The following ZNF33A variants were observed in gnomAD, a reference collection of about 807,000 sequenced individuals.
The protein encoded by ZNF33A is zinc finger protein 33A.
ZNF33A carries 9 observed loss-of-function variants against 15.9 expected under a neutral mutation model. The ratio of observed to expected loss-of-function variants is 0.57; its 90% CI spans 0.34 to 0.99. ZNF33A has a LOEUF of 0.99. Among genes scored for constraint, ZNF33A ranks in the 50% least tolerant of loss-of-function variants. The pLI, the probability that ZNF33A is intolerant of heterozygous loss-of-function variation, is 0.02. For missense variants in ZNF33A, 843 were observed against 941.6 expected, an observed-to-expected ratio of 0.90 and a Z score of 1.37; for synonymous variants, 294 against 324.2, an observed-to-expected ratio of 0.91 and a Z score of 1.00.
chr10:38,049,409 G>A (rs1232411642), intron 4 of ZNF33A, among the ~76,000 whole-genome samples: 1 of 151,860 alleles, frequency 6.6e-6, no homozygotes, highest in Admixed American at 6.6e-5. Flanking sequence ...AGCACCTGAG[G>A]TCATTGATTT....
chr10:38,035,014 A>G (rs1356935202), intron 4 of ZNF33A, among the ~76,000 whole-genome samples: 3 of 151,696 alleles, frequency 2.0e-5, no homozygotes, highest in Non-Finnish European at 4.4e-5. Context: ...CTTCACTACC[A>G]CATGGATCAT....
chr10:38,014,890 A>G (rs949307473), intron 2 of ZNF33A, among the ~76,000 whole-genome samples: 2 of 151,794 alleles, frequency 1.3e-5, no homozygotes, highest in African/African-American at 2.4e-5. Context: ...AGAATTACTT[A>G]CCTTTTTTTT....
chr10:38,056,495 C>G lies in ZNF33A; in HGVS notation c.2371C>G (p.Leu791Val). ...DIRNFQPQVS[L>V]HNASEYSHCG... ...TAGAAATTTCCAGCCACAAGTCAGC[C>G]TCCATAATGCCTCAGAGTATTCACA... The change falls in exon 5 of 5, where the codon CTC (leucine) becomes GTC (valine). Residue 791 changes from leucine (L) to valine (V), a missense_variant. Coordinates refer to ENST00000432900, the MANE Select transcript of ZNF33A (RefSeq NM_006954.2). 6.2e-7 allele frequency: 1 copy of G among 1,611,688 alleles called. No homozygotes were observed. The highest frequency in any genetic ancestry group is 8.5e-7 in the Non-Finnish European group (1 of 1,178,822).
In ZNF33A at chr10:38,058,196, A is replaced by G. The variant is rs911147842; in HGVS notation, c.*1636A>G. ...AAAGAGAAAATCGATAAAACCCAAA[A>G]CTGGTTCCTTGAAAAGGTCAGTAAA... On this transcript the variant is annotated 3_prime_UTR_variant, in exon 5 of 5. Transcript: ENST00000432900. 4.3e-5 allele frequency: 19 copies of G among 439,240 alleles called. No individual in the cohort carries two copies. The highest frequency in any genetic ancestry group is 3.4e-4 in the African/African-American group (16 of 46,542). 27.2% of individuals were successfully genotyped at this position (439,240 alleles called of 1,614,324 possible). A position where few individuals can be genotyped will look rare whatever the true frequency, so the allele number is the denominator to read the frequency against.
intron 4 of ZNF33A, among the ~76,000 whole-genome samples, chr10:38,024,361 G>A (rs2064893468): frequency 6.6e-6 from 1 of 152,056 alleles, no homozygotes; most frequent in South Asian, 2.1e-4. Context: ...AACAAAATAT[G>A]TATAGGACTT....
Position 38,017,308 on chromosome 10 carries a change from C to T in ZNF33A, c.172C>T (p.Pro58Ser). 1 of 1,613,864 alleles carries T rather than the reference C, an allele frequency of 6.2e-7. No homozygotes were observed. Residue 58 changes from proline (P) to serine (S), a missense_variant, in exon 4 of 5, where the codon CCA becomes TCA. Physicochemically the swap from Pro to Ser is moderately conservative, Grantham distance 74. Coordinates refer to ENST00000432900, the MANE Select transcript of ZNF33A (RefSeq NM_006954.2). ...LVSVGYCVHKPEVIFRLQQGE... is the reference protein window; with the variant it reads ...LVSVGYCVHKSEVIFRLQQGE... ...GTTAACAGGGTATTGTGTTCACAAACCAGAGGTGATCTTCAGGCTGCAACA... is the reference window on the plus strand; with the variant it reads ...GTTAACAGGGTATTGTGTTCACAAATCAGAGGTGATCTTCAGGCTGCAACA...
chr10:38,060,076 C>G lies in ZNF33A; in HGVS notation c.*3516C>G. 1.0e-6 allele frequency: 1 copy of G among 985,376 alleles called. No homozygotes were observed. The highest frequency in any genetic ancestry group is 1.2e-6 in the Non-Finnish European group (1 of 829,894). The allele number at this position is 985,376 out of a possible 1,614,324, so 61.0% of individuals were successfully genotyped here. ...ACCAACCCTGAGGAACATCTTGTTT[C>G]TGTACTAAGGTGTTCTTTTGTTAGT... is the stretch of plus-strand genomic sequence containing the variant. On this transcript the variant is annotated 3_prime_UTR_variant, in exon 5 of 5. Transcript: ENST00000432900.
intron 4 of ZNF33A, among the ~76,000 whole-genome samples, chr10:38,045,711 G>A (rs2135717262): frequency 6.6e-6 from 1 of 152,270 alleles, no homozygotes. Flanking sequence ...TTGGTCTGTG[G>A]TTTAGCTTGT....
rs759304307 is a variant in ZNF33A at position 38,055,830 on chromosome 10, C to G, written c.1706C>G (p.Ser569Cys). Residue 569 changes from serine (S) to cysteine (C), a missense_variant, in exon 5 of 5, where the codon TCT (serine) becomes TGT (cysteine). Physicochemically the swap from Ser to Cys is moderately radical, Grantham distance 112. Transcript: ENST00000432900. ...TTCTTTAGCCATAAGTCAACCCTCT[C>G]TCAACATTATAGAACACACACAGGG... ...GKFFSHKSTLSQHYRTHTGEK... is the reference protein window; with the variant it reads ...GKFFSHKSTLCQHYRTHTGEK... The G allele has an allele frequency of 2.5e-6, 4 of 1,614,004 alleles. No homozygotes were observed. The Admixed American group carries it at 5.0e-5, about 20-fold the overall frequency.
chr10:38,027,449 G>A (rs1332573690), intron 4 of ZNF33A, among the ~76,000 whole-genome samples: 1 of 151,708 alleles, frequency 6.6e-6, no homozygotes. Flanking sequence ...GAACTTCCAG[G>A]CTCAAGTGAT....
chr10:38,065,868 G>A (rs1417872509), downstream of ZNF33A, among the ~76,000 whole-genome samples: 1 of 151,908 alleles, frequency 6.6e-6, no homozygotes, highest in Admixed American at 6.6e-5. Context: ...ATGCCACCAC[G>A]ACTGGCTAAT....
rs748951258 is a variant in ZNF33A, at chr10:38,055,973, G to C, written c.1849G>C (p.Ala617Pro). ...CTATGAATGTAATGAATGTGGAAAAGCCTTCTACCAGAAGTCACAACTCAC... is the reference window on the plus strand; with the variant it reads ...CTATGAATGTAATGAATGTGGAAAACCCTTCTACCAGAAGTCACAACTCAC... ...KPYECNECGK[A>P]FYQKSQLTQH... The change falls in exon 5 of 5, where the codon GCC (alanine) becomes CCC (proline). Residue 617 changes from alanine (A) to proline (P), a missense_variant. Ala to Pro is a conservative substitution (Grantham distance 27). Transcript: ENST00000432900. 6.2e-7 allele frequency: 1 copy of C among 1,613,240 alleles called. No homozygotes were observed. Among genetic ancestry groups the C allele is most frequent in the Middle Eastern group, 1.7e-4 (1 of 6,050 alleles).
Position 38,010,697 on chromosome 10 carries a change from T to C in ZNF33A, c.-131T>C. ...TGCGTTTCCGCCTTTCCTTTTGTTT[T>C]TCTCAGGTTTTGCGTGGGAGGCGGT... On this transcript the variant is annotated 5_prime_UTR_variant, in exon 1 of 5. Coordinates refer to ENST00000432900, the MANE Select transcript of ZNF33A (RefSeq NM_006954.2). 6.9e-6 allele frequency: 11 copies of C among 1,597,872 alleles called. No individual in the cohort carries two copies. Among genetic ancestry groups the C allele is most frequent in the Non-Finnish European group, 9.3e-6 (11 of 1,179,356 alleles).
downstream of ZNF33A, among the ~76,000 whole-genome samples, chr10:38,062,467 C>A (rs1157072956): frequency 6.6e-6 from 1 of 152,186 alleles, no homozygotes; most frequent in Non-Finnish European, 1.5e-5. Flanking sequence ...ACGGCATGGT[C>A]CCAATGCTGC....
intron 4 of ZNF33A, among the ~76,000 whole-genome samples, chr10:38,045,486 T>G (rs1183488951): frequency 1.3e-5 from 2 of 152,218 alleles, no homozygotes; most frequent in Non-Finnish European, 2.9e-5. Context: ...AAATTTGGGT[T>G]CCTTCTAGAG....
At chr10:38,039,166 A>G (rs918255882) in intron 4 of ZNF33A, among the ~76,000 whole-genome samples, 1 of 141,758 alleles carries the variant, frequency 7.1e-6, no homozygotes, top group Non-Finnish European at 1.5e-5. Flanking sequence ...AAAATTCTCC[A>G]GTGAACCCTT....
At chr10:38,045,760 T>C (rs1433598349) in intron 4 of ZNF33A, among the ~76,000 whole-genome samples, 2 of 152,204 alleles carry the variant, frequency 1.3e-5, no homozygotes, top group African/African-American at 4.8e-5. Flanking sequence ...TAATTGGTTA[T>C]CATTGAATTT....
chr10:38,046,520 A>C (rs529507717), intron 4 of ZNF33A, among the ~76,000 whole-genome samples: 9 of 152,178 alleles, frequency 5.9e-5, no homozygotes, highest in African/African-American at 2.2e-4. Flanking sequence ...ATTGTTTCCA[A>C]GTGACTTAAG....
intron 4 of ZNF33A, among the ~76,000 whole-genome samples, chr10:38,035,474 A>G (rs1400142601): frequency 6.6e-6 from 1 of 152,062 alleles, no homozygotes; most frequent in Non-Finnish European, 1.5e-5. Context: ...CACTGTCAGA[A>G]TTGTTAATTA....
Sources: gnomAD v4.1 joint callset for allele counts (sites outside exome capture counted in the v4.1 genomes callset) on GRCh38, gnomAD v4.1.1 for gene constraint, MANE v1.5 for transcripts, NCBI Gene and HGNC (gene_info 2026-07-23, HGNC 2026-07-21) for gene names.